The following ABCA3 variants were observed in gnomAD, a reference collection of about 807,000 sequenced individuals.
ABCA3 encodes phospholipid-transporting ATPase ABCA3.
In ABCA3, 88 loss-of-function variants were observed where a neutral mutation model predicts 172.8. The ratio of observed to expected loss-of-function variants is 0.51; its 90% CI spans 0.43 to 0.61. The LOEUF is 0.61. Ranked by LOEUF, ABCA3 falls within the 20% of genes least tolerant of loss-of-function variation. The probability of loss-of-function intolerance (pLI) is 0.00; values close to 1 mark genes in which losing one functional copy is unlikely to be tolerated. For missense variants in ABCA3, 2,164 were observed against 2,301.0 expected (o/e 0.94, Z 1.22); for synonymous variants, 1,066 against 983.8 (o/e 1.08, Z -1.56).
In ABCA3 at chr16:2,276,452, T is replaced by A. The variant is rs2093646492; in HGVS notation, c.*222A>T. 7.2e-6 allele frequency: 6 copies of A among 834,322 alleles called. No homozygotes were observed. Among genetic ancestry groups the A allele is most frequent in the Non-Finnish European group, 1.1e-5 (6 of 526,984 alleles). The allele number at this position is 834,322 out of a possible 1,614,324, so 51.7% of individuals were successfully genotyped here. Reference sequence around the variant, plus strand: ...CCGGCCTGCCCCAGCTCTGGGAAAGTGAACTCCAGAGTATGCAGACATGGA... The same window carrying A: ...CCGGCCTGCCCCAGCTCTGGGAAAGAGAACTCCAGAGTATGCAGACATGGA... On this transcript the variant is annotated 3_prime_UTR_variant, in exon 33 of 33. Transcript: ENST00000301732.
rs2093733933 is a variant in ABCA3 at position 2,326,148 on chromosome 16, A to T, written c.181T>A (p.Ser61Thr). 6.2e-7 allele frequency: 1 copy of T among 1,614,126 alleles called. No individual in the cohort carries two copies. Among genetic ancestry groups the T allele is most frequent in the Middle Eastern group, 1.6e-4 (1 of 6,062 alleles). Reference protein sequence around the residue: ...VPNATIYPGQSIQELPLFFTF... With the variant: ...VPNATIYPGQTIQELPLFFTF... ...AAGAACAGAGGCAGCTCCTGGATGG[A>T]CTGGCCCGGGTAGATGGTGGCGTTG... The change falls in exon 5 of 33, where the codon TCC becomes ACC. Residue 61 changes from serine (S) to threonine (T), a missense_variant. By Grantham distance (58) the Ser-to-Thr change is moderately conservative. This residue lies in a region of ABCA3 where 1,343 missense variants were observed against 1,369.6 expected (regional missense o/e 0.98). Coordinates refer to ENST00000301732, the MANE Select transcript of ABCA3 (RefSeq NM_001089.3).
chr16:2,332,773 T>A, intron 1 of ABCA3: 2 of 855,438 alleles, frequency 2.3e-6, no homozygotes, highest in Non-Finnish European at 3.7e-6. Context: ...GGTATTTTTG[T>A]GTGCACCATA....
At chr16:2,310,496 G>C (rs888355683) in intron 10 of ABCA3, among the ~76,000 whole-genome samples, 1 of 151,350 alleles carries the variant, frequency 6.6e-6, no homozygotes, top group Admixed American at 6.6e-5. Context: ...AGCAGCAGTG[G>C]TTTTTCCAAC....
intron 10 of ABCA3, among the ~76,000 whole-genome samples, chr16:2,315,178 C>T (rs1428996270): frequency 1.3e-5 from 2 of 150,676 alleles, no homozygotes; most frequent in Non-Finnish European, 3.0e-5. Context: ...CCATGGTGCC[C>T]GGTCATAAAT....
intron 19 of ABCA3, among the ~76,000 whole-genome samples, chr16:2,291,174 A>G (rs2093671399): frequency 6.6e-6 from 1 of 152,130 alleles, no homozygotes; most frequent in African/African-American, 2.4e-5. Flanking sequence ...TAAAAATACA[A>G]AAAAACTAGC....
chr16:2,304,500 CTTTTTTTTTTT>C (rs34874417), intron 11 of ABCA3, among the ~76,000 whole-genome samples: 41 of 84,048 alleles, frequency 4.9e-4, no homozygotes, highest in African/African-American at 1.6e-3. Flanking sequence ...TAGCATAAGT[CTTTTTTTTTTT>C]TTTTTTTTTT....
In ABCA3 at chr16:2,286,602, A is replaced by C; in HGVS notation, c.3278+92T>G. ...ACCCAGGGGCTTTGGGAGGGCAGAC[A>C]CAATGCTCTATCTATGGGCCCGTGG... On this transcript the variant is annotated intron_variant, in intron 22 of 32. Transcript: ENST00000301732. The surrounding 1 kb of genome is among the most constrained non-coding windows in gnomAD (Gnocchi z 5.2). 6.5e-7 allele frequency: 1 copy of C among 1,535,610 alleles called. No homozygotes were observed. The highest frequency in any genetic ancestry group is 8.9e-7 in the Non-Finnish European group (1 of 1,128,730).
At chr16:2,276,924 C>T (rs913587484) in intron 32 of ABCA3, 119 bp from the exon 33 acceptor site, 27 of 1,432,768 alleles carry the variant, frequency 1.9e-5, no homozygotes, top group South Asian at 4.7e-5. Context: ...CCCTGCCCAG[C>T]GCCACCCCAG....
chr16:2,308,668 C>G, intron 10 of ABCA3, 45 bp from the exon 11 acceptor site: 1 of 1,610,292 alleles, frequency 6.2e-7, no homozygotes, highest in Non-Finnish European at 8.5e-7. Context: ...TCAGTGCCCT[C>G]AAAAGGGGCT....
At chr16:2,298,015 G>A (rs1334923212) in intron 15 of ABCA3, 94 bp from the exon 16 acceptor site, 3 of 1,178,390 alleles carry the variant, frequency 2.5e-6, no homozygotes, top group Admixed American at 2.4e-5. Flanking sequence ...TCTCCTTGAC[G>A]TAGCTGGGGA....
At chr16:2,338,439 G>A (rs2093755237) in intron 1 of ABCA3, among the ~76,000 whole-genome samples, 1 of 152,154 alleles carries the variant, frequency 6.6e-6, no homozygotes, top group African/African-American at 2.4e-5. Context: ...CTTTGTCTTG[G>A]CTGCCTGCAC....
intron 12 of ABCA3, among the ~76,000 whole-genome samples, chr16:2,300,969 G>A (rs557821261): frequency 6.6e-6 from 1 of 152,136 alleles, no homozygotes; most frequent in East Asian, 1.9e-4. Context: ...GGTGGCTCGA[G>A]CCTGTAATCC....
At chr16:2,294,061 G>A (rs2093676142) in intron 18 of ABCA3, among the ~76,000 whole-genome samples, 1 of 151,134 alleles carries the variant, frequency 6.6e-6, no homozygotes. Context: ...TGGAATCCAG[G>A]GGTGCAGGGG....
At chr16:2,314,498 C>T (rs927500776) in intron 10 of ABCA3, among the ~76,000 whole-genome samples, 1 of 150,614 alleles carries the variant, frequency 6.6e-6, no homozygotes, top group Non-Finnish European at 1.5e-5. Flanking sequence ...CTGTTTCAGT[C>T]GGGAAACATG....
At chr16:2,289,251 C>G in intron 20 of ABCA3, 183 bp downstream of exon 20, 1 of 682,134 alleles carries the variant, frequency 1.5e-6, no homozygotes, top group Admixed American at 2.7e-5. Context: ...CCAGTTGCTC[C>G]ATTCAAACGC....
intron 1 of ABCA3, among the ~76,000 whole-genome samples, chr16:2,337,521 G>A (rs995036893): frequency 6.7e-6 from 1 of 150,178 alleles, no homozygotes; most frequent in Non-Finnish European, 1.5e-5. Context: ...CCATGGGTGT[G>A]CACCACCATG....
At position 2,276,407 on chromosome 16, in the gene ABCA3, G is replaced by A. The variant is rs772589481; in HGVS notation, c.*267C>T. 12 of 614,388 alleles carry A rather than the reference G, an allele frequency of 2.0e-5. No individual in the cohort carries two copies. The highest frequency in any genetic ancestry group is 3.7e-5 in the East Asian group (1 of 27,244). The allele number at this position is 614,388 out of a possible 1,614,324, so 38.1% of individuals were successfully genotyped here. ...GGTCAGCTCTCCACCCAGAGACCCC[G>A]GAGCTTGCCCGCAGACTGCCCGGCC... On this transcript the variant is annotated 3_prime_UTR_variant, in exon 33 of 33. Coordinates refer to ENST00000301732, the MANE Select transcript of ABCA3 (RefSeq NM_001089.3).
rs9936418 is a variant in ABCA3, at chr16:2,331,256, G to A, written c.-538-1402C>T. Among the ~76,000 whole-genome samples, 210 of 151,808 alleles carry A rather than the reference G, an allele frequency of 1.4e-3. 3 individuals carry two copies. The highest frequency in any genetic ancestry group is 4.5e-3 in the African/African-American group (186 of 41,376). ...TGAGACAGAGTCTCGCTCTGTCGCC[G>A]AGGCTGGGCACGATCTCGGCTCACA... On this transcript the variant is annotated intron_variant, in intron 1 of 32. Coordinates refer to ENST00000301732, the MANE Select transcript of ABCA3 (RefSeq NM_001089.3).
Position 2,276,524 on chromosome 16 carries a change from A to G in ABCA3, c.*150T>C. On this transcript the variant is annotated 3_prime_UTR_variant, in exon 33 of 33. Transcript: ENST00000301732. Reference sequence around the variant, plus strand: ...CATGAGGGCTGGGCTGCACTCGTCCATTCTGTGCATACTGCCTTGAATTTT... The same window carrying G: ...CATGAGGGCTGGGCTGCACTCGTCCGTTCTGTGCATACTGCCTTGAATTTT... The G allele has an allele frequency of 1.5e-6, 2 of 1,325,134 alleles. No homozygotes were observed. Among genetic ancestry groups the G allele is most frequent in the South Asian group, 1.3e-5 (1 of 74,466 alleles). 82.1% of individuals were successfully genotyped at this position (1,325,134 alleles called of 1,614,324 possible). A position where few individuals can be genotyped will look rare whatever the true frequency, so the allele number is the denominator to read the frequency against.
Sources: gnomAD v4.1 joint callset for allele counts (sites outside exome capture counted in the v4.1 genomes callset) on GRCh38, gnomAD v4.1.1 for gene constraint, gnomAD v4.1.1 regional missense constraint, Gnocchi (gnomAD v3.1) non-coding constraint, MANE v1.5 for transcripts, NCBI Gene and HGNC (gene_info 2026-07-23, HGNC 2026-07-21) for gene names.